The following NCR2 variants were observed in gnomAD, a reference collection of about 807,000 sequenced individuals.
The protein encoded by NCR2 is natural cytotoxicity triggering receptor 2.
Under a neutral mutation model 30.7 loss-of-function variants are expected in NCR2, and 35 were observed. The ratio of observed to expected loss-of-function variants is 1.14; its 90% CI spans 0.87 to 1.51. The LOEUF is 1.51. Among genes scored for constraint, NCR2 ranks in the 40% most tolerant of loss-of-function variants. The probability of loss-of-function intolerance (pLI) is 0.00; values close to 1 mark genes in which losing one functional copy is unlikely to be tolerated. For synonymous variants in NCR2, 146 were observed against 134.8 expected (o/e 1.08, Z -0.58); for missense variants, 316 against 328.9 (o/e 0.96, Z 0.30).
At chr6:41,348,363 A>G (rs1769351491) in intron 4 of NCR2, among the ~76,000 whole-genome samples, 1 of 152,174 alleles carries the variant, frequency 6.6e-6, no homozygotes, top group African/African-American at 2.4e-5. Flanking sequence ...TGTGAGCTAG[A>G]GACAAGTTAT....
In NCR2 at chr6:41,342,182, T is replaced by C. The variant is rs767183232; in HGVS notation, c.644+33T>C. 4 of 1,607,872 alleles carry C rather than the reference T, an allele frequency of 2.5e-6. No homozygotes were observed. In the Admixed American group the frequency reaches 5.0e-5, roughly 20 times the overall value. ...TGGTGTGGGTTGAACTCGGGGAAAA[T>C]GGAACAGGGAACAGCTTCTGCCCAG... is the stretch of plus-strand genomic sequence containing the variant. On this transcript the variant is annotated intron_variant, in intron 4 of 4. Transcript: ENST00000373089.
intron 4 of NCR2, among the ~76,000 whole-genome samples, chr6:41,345,046 C>G (rs1331620707): frequency 6.6e-6 from 1 of 152,176 alleles, no homozygotes; most frequent in African/African-American, 2.4e-5. Context: ...CACTCTCTCT[C>G]TGTGGCGCCC....
At chr6:41,341,739 C>A in intron 2 of NCR2, 55 bp from the exon 3 acceptor site, 5 of 1,553,416 alleles carry the variant, frequency 3.2e-6, no homozygotes, top group Non-Finnish European at 4.3e-6. Context: ...CTCCTGCCGG[C>A]AGGCACAAGT....
chr6:41,350,300 A>G (rs1769396533), intron 4 of NCR2, among the ~76,000 whole-genome samples: 1 of 152,220 alleles, frequency 6.6e-6, no homozygotes, highest in Non-Finnish European at 1.5e-5. Context: ...GAGGTGTAGA[A>G]GAAAGCAGAC....
intron 4 of NCR2, 129 bp from the exon 5 acceptor site, chr6:41,350,549 T>C: frequency 1.3e-6 from 1 of 749,142 alleles, no homozygotes. Context: ...GGAGCAGACT[T>C]CATCCTTGTG....
At chr6:41,338,590 T>C (rs1263446979) in intron 2 of NCR2, among the ~76,000 whole-genome samples, 1 of 152,242 alleles carries the variant, frequency 6.6e-6, no homozygotes. Context: ...TCAGAGCTAG[T>C]TGTGTTTGTG....
chr6:41,346,330 G>A (rs183187364), intron 4 of NCR2, among the ~76,000 whole-genome samples: 11 of 152,134 alleles, frequency 7.2e-5, no homozygotes, highest in South Asian at 2.1e-4. Flanking sequence ...GTCAGTAAGC[G>A]CCAATAGCCC....
chr6:41,339,363 A>C (rs537813279), intron 2 of NCR2, among the ~76,000 whole-genome samples: 2 of 151,326 alleles, frequency 1.3e-5, no homozygotes, highest in African/African-American at 4.9e-5. Context: ...TGCCCAGACT[A>C]TGCCACTTGT....
chr6:41,350,579 C>G, intron 4 of NCR2, 99 bp from the exon 5 acceptor site: 1 of 1,063,362 alleles, frequency 9.4e-7, no homozygotes, highest in Admixed American at 2.2e-5. Flanking sequence ...TGGCAACCAA[C>G]CCTGCGAGTA....
rs1456823969 is a variant in NCR2 at position 41,336,319 on chromosome 6, C to A, written c.285C>A (p.Thr95=). 2 of 1,614,102 alleles carry A rather than the reference C, an allele frequency of 1.2e-6. No individual in the cohort carries two copies. Among genetic ancestry groups the A allele is most frequent in the Admixed American group, 1.7e-5 (1 of 60,026 alleles). The change falls in exon 2 of 5, where the codon ACC becomes ACA. Residue 95 remains threonine, a synonymous_variant. Coordinates refer to ENST00000373089, the MANE Select transcript of NCR2 (RefSeq NM_004828.4). ...CTGATGCTGGCTTCTTCACTGTCAC[C>A]ATGACTGATCTGAGAGAGGAAGACT... is the stretch of plus-strand genomic sequence containing the variant. ...DDPDAGFFTV[T]MTDLREEDSG...
intron 4 of NCR2, among the ~76,000 whole-genome samples, chr6:41,345,173 T>C (rs1011019280): frequency 1.3e-5 from 2 of 152,140 alleles, no homozygotes; most frequent in Admixed American, 6.5e-5. Context: ...ACTCTCAGTC[T>C]CACGGAAGCC....
chr6:41,346,890 G>A (rs748979559), intron 4 of NCR2, among the ~76,000 whole-genome samples: 1 of 151,696 alleles, frequency 6.6e-6, no homozygotes, highest in Non-Finnish European at 1.5e-5. Flanking sequence ...GAGGGAAGAA[G>A]GAAAGAAGGA....
At chr6:41,341,471 C>T (rs780402391) in intron 2 of NCR2, among the ~76,000 whole-genome samples, 9 of 152,194 alleles carry the variant, frequency 5.9e-5, no homozygotes, top group South Asian at 2.1e-4. Flanking sequence ...CGAAGGGGCC[C>T]GAAGCATCAT....
chr6:41,344,497 C>A (rs1769251686), intron 4 of NCR2, among the ~76,000 whole-genome samples: 1 of 152,172 alleles, frequency 6.6e-6, no homozygotes. Context: ...ATCTATTTTT[C>A]TTTATTCCTA....
intron 4 of NCR2, among the ~76,000 whole-genome samples, chr6:41,344,733 T>G (rs533532719): frequency 1.3e-5 from 2 of 152,228 alleles, no homozygotes; most frequent in African/African-American, 4.8e-5. Context: ...GCCCATCATA[T>G]CTTTTATTTT....
rs73733217 is a variant in NCR2, at chr6:41,347,286, G to A, written c.645-3392G>A. Among the ~76,000 whole-genome samples, 312 of 152,266 alleles carry A rather than the reference G, an allele frequency of 2.0e-3. 2 individuals are homozygous for A. Among genetic ancestry groups the A allele is most frequent in the African/African-American group, 6.1e-3 (252 of 41,546 alleles). Reference sequence around the variant, plus strand: ...ATCATCTTCCCGGGTTGTATGTCATGACCATCAGAATCTAAATGGGCTCTA... The same window carrying A: ...ATCATCTTCCCGGGTTGTATGTCATAACCATCAGAATCTAAATGGGCTCTA... On this transcript the variant is annotated intron_variant, in intron 4 of 4. Transcript: ENST00000373089.
Position 41,342,132 on chromosome 6 carries a change from A to T in NCR2, c.627A>T (p.Ser209=). 1 of 1,613,218 alleles carries T rather than the reference A, an allele frequency of 6.2e-7. No homozygotes were observed. The highest frequency in any genetic ancestry group is 1.1e-5 in the South Asian group (1 of 91,082). ...TCGTAGCCAAGAGCCTGGTGCTGTCAGCCCTGCTCGTCTGGTGGTGAGTGT... is the reference window on the plus strand; with the variant it reads ...TCGTAGCCAAGAGCCTGGTGCTGTCTGCCCTGCTCGTCTGGTGGTGAGTGT... ...GLLVAKSLVL[S]ALLVWWGDIW... Residue 209 remains serine (S), a synonymous_variant, in exon 4 of 5, where the codon TCA becomes TCT. Coordinates refer to ENST00000373089, the MANE Select transcript of NCR2 (RefSeq NM_004828.4).
At chr6:41,342,855 G>C (rs1769210268) in intron 4 of NCR2, 1 of 1,445,408 alleles carries the variant, frequency 6.9e-7, no homozygotes, top group Admixed American at 2.0e-5. Context: ...GCAGGCTTGG[G>C]GAAAGGGACA....
intron 4 of NCR2, among the ~76,000 whole-genome samples, chr6:41,344,687 T>C (rs759219273): frequency 1.3e-5 from 2 of 152,246 alleles, no homozygotes; most frequent in Admixed American, 1.3e-4. Flanking sequence ...TTTTGAACTT[T>C]TCCGAAGCTT....
Sources: allele counts gnomAD v4.1 joint callset (sites outside exome capture counted in the v4.1 genomes callset), GRCh38; gene constraint gnomAD v4.1.1; transcripts MANE v1.5; gene names NCBI Gene and HGNC (gene_info 2026-07-23, HGNC 2026-07-21).